Variants in TRABD2B observed in about 807,000 individuals in gnomAD.
TRABD2B encodes TraB domain containing 2B.
Under a neutral mutation model 40.1 loss-of-function variants are expected in TRABD2B, and 14 were observed. That is an observed-to-expected ratio of 0.35 (90% confidence interval 0.23 to 0.55). The LOEUF (loss-of-function observed/expected upper bound fraction) is 0.55. TRABD2B is among the 20% of genes least tolerant of loss of function. The pLI is 0.90. For missense variants in TRABD2B, 541 were observed against 648.6 expected (o/e 0.83, Z 1.80); for synonymous variants, 263 against 277.0 (o/e 0.95, Z 0.50).
At chr1:47,913,319 G>T (rs1644787417) in intron 2 of TRABD2B, among the ~76,000 whole-genome samples, 1 of 152,182 alleles carries the variant, frequency 6.6e-6, no homozygotes, top group African/African-American at 2.4e-5. Context: ...CTGGGAACGG[G>T]ATTAGGCTGG....
intron 2 of TRABD2B, among the ~76,000 whole-genome samples, chr1:47,993,408 T>C (rs890097884): frequency 5.9e-5 from 9 of 152,250 alleles, no homozygotes; most frequent in African/African-American, 1.9e-4. Flanking sequence ...TGTCAACCTT[T>C]AAGCGAACAC....
At chr1:47,803,011 C>T (rs563581943) in intron 2 of TRABD2B, among the ~76,000 whole-genome samples, 7 of 150,838 alleles carry the variant, frequency 4.6e-5, no homozygotes, top group Admixed American at 1.3e-4. Context: ...AGCATTCCTT[C>T]AAGCAAAAAA....
At chr1:47,989,986 C>T (rs1173816968) in intron 2 of TRABD2B, among the ~76,000 whole-genome samples, 1 of 152,164 alleles carries the variant, frequency 6.6e-6, no homozygotes. Flanking sequence ...AATCTTGTTG[C>T]ATCTCTGTGA....
chr1:47,889,421 G>A (rs1644415596), intron 2 of TRABD2B, among the ~76,000 whole-genome samples: 1 of 152,194 alleles, frequency 6.6e-6, no homozygotes. Context: ...TGCCAAGCAC[G>A]GTATGTGGCT....
chr1:47,859,145 G>A (rs1643929671), intron 2 of TRABD2B, among the ~76,000 whole-genome samples: 1 of 152,188 alleles, frequency 6.6e-6, no homozygotes, highest in Admixed American at 6.5e-5. Context: ...TGCCCCTCTT[G>A]AGGCTGGCAT....
chr1:47,814,897 A>G (rs948212492), intron 2 of TRABD2B, among the ~76,000 whole-genome samples: 1 of 152,220 alleles, frequency 6.6e-6, no homozygotes, highest in African/African-American at 2.4e-5. Flanking sequence ...ACTTCCTGGC[A>G]ACAGGATGGG....
intron 2 of TRABD2B, among the ~76,000 whole-genome samples, chr1:47,962,201 C>T (rs867479001): frequency 2.7e-5 from 3 of 113,044 alleles, no homozygotes; most frequent in African/African-American, 6.8e-5. Flanking sequence ...CATCACACGC[C>T]GGGGCCTGTT....
At chr1:47,789,848 C>T (rs1195997116) in intron 4 of TRABD2B, among the ~76,000 whole-genome samples, 2 of 151,992 alleles carry the variant, frequency 1.3e-5, no homozygotes, top group South Asian at 2.1e-4. Context: ...TCAGGCTTAT[C>T]ATTTTTCCCC....
intron 2 of TRABD2B, among the ~76,000 whole-genome samples, chr1:47,866,111 C>A (rs984564359): frequency 6.6e-6 from 1 of 151,984 alleles, no homozygotes; most frequent in East Asian, 1.9e-4. Context: ...CTGCTCTGTG[C>A]GCAAGCAGGA....
intron 4 of TRABD2B, among the ~76,000 whole-genome samples, chr1:47,781,285 G>A (rs988730075): frequency 6.6e-6 from 1 of 152,156 alleles, no homozygotes; most frequent in Non-Finnish European, 1.5e-5. Flanking sequence ...CGGTCCTCGC[G>A]TTTGCCCAGA....
At chr1:47,832,271 T>C (rs1156530815) in intron 2 of TRABD2B, among the ~76,000 whole-genome samples, 4 of 151,826 alleles carry the variant, frequency 2.6e-5, no homozygotes, top group Non-Finnish European at 5.9e-5. Context: ...AGGCGGAGCT[T>C]GCAGTGAGCC....
At chr1:47,909,319 G>A (rs1644718677) in intron 2 of TRABD2B, among the ~76,000 whole-genome samples, 1 of 151,220 alleles carries the variant, frequency 6.6e-6, no homozygotes, top group Non-Finnish European at 1.5e-5. Flanking sequence ...ATCTACTTCT[G>A]GTGAGGGCCG....
chr1:47,890,915 G>A (rs949134588), intron 2 of TRABD2B, among the ~76,000 whole-genome samples: 6 of 152,186 alleles, frequency 3.9e-5, no homozygotes, highest in African/African-American at 1.4e-4. Flanking sequence ...CACTAGTGCC[G>A]GTTCCCATCC....
chr1:47,984,129 T>C (rs1395580099), intron 2 of TRABD2B, among the ~76,000 whole-genome samples: 2 of 152,164 alleles, frequency 1.3e-5, no homozygotes, highest in Non-Finnish European at 2.9e-5. Context: ...ATAACCTTAA[T>C]AGGGAGGAAG....
chr1:47,782,599 T>A (rs755023576), intron 4 of TRABD2B, among the ~76,000 whole-genome samples: 4 of 152,182 alleles, frequency 2.6e-5, no homozygotes, highest in Non-Finnish European at 4.4e-5. Flanking sequence ...TCTCATCCTA[T>A]CCCCAGGAGA....
At chr1:47,779,379 C>G (rs1399465777) in intron 4 of TRABD2B, among the ~76,000 whole-genome samples, 1 of 152,202 alleles carries the variant, frequency 6.6e-6, no homozygotes, top group Admixed American at 6.5e-5. Context: ...TGTCAGTCCC[C>G]CACTCACTAT....
At position 47,813,894 on chromosome 1, in the gene TRABD2B, A is replaced by C. The variant is rs1353881096; in HGVS notation, c.667-12275T>G. On this transcript the variant is annotated intron_variant, in intron 2 of 6. Transcript: ENST00000606738. This position sits in a 1 kb window ranked among gnomAD's most constrained non-coding sequence, Gnocchi z 4.3. Reference sequence around the variant, plus strand: ...ATGGGACCAAATCAGTACCCTGTCCATCCTTGACAAGCTCAAAGGCAGGGT... The same window carrying C: ...ATGGGACCAAATCAGTACCCTGTCCCTCCTTGACAAGCTCAAAGGCAGGGT... Among the ~76,000 whole-genome samples, 1 of 152,208 alleles carries C rather than the reference A, an allele frequency of 6.6e-6. No individual in the cohort carries two copies. The highest frequency in any genetic ancestry group is 1.5e-5 in the Non-Finnish European group (1 of 68,040).
chr1:47,870,468 A>G (rs1644124647), intron 2 of TRABD2B, among the ~76,000 whole-genome samples: 1 of 152,080 alleles, frequency 6.6e-6, no homozygotes, highest in Non-Finnish European at 1.5e-5. Context: ...CCTAGCCTCA[A>G]TCAGAATGAA....
chr1:47,795,613 CTG>C, intron 3 of TRABD2B: 1 of 978,064 alleles, frequency 1.0e-6, no homozygotes, highest in Non-Finnish European at 1.2e-6. Context: ...TAAGATGAAA[CTG>C]ATGATATTGT....
Sources: gnomAD v4.1 joint callset for allele counts (sites outside exome capture counted in the v4.1 genomes callset) on GRCh38, gnomAD v4.1.1 for gene constraint, Gnocchi (gnomAD v3.1) non-coding constraint, MANE v1.5 for transcripts, NCBI Gene and HGNC (gene_info 2026-07-23, HGNC 2026-07-21) for gene names.